Variants in INO80 observed in about 807,000 individuals in gnomAD.
The protein encoded by INO80 is chromatin-remodeling ATPase INO80.
Under a neutral mutation model 203.4 loss-of-function variants are expected in INO80, and 20 were observed. The observed-to-expected ratio is 0.10, with a 90% confidence interval of 0.07 to 0.14. The LOEUF (loss-of-function observed/expected upper bound fraction) is 0.14, where lower values mean the gene tolerates loss of function less well. Ranked by LOEUF, INO80 falls within the 10% of genes least tolerant of loss-of-function variation. The pLI, the probability that INO80 is intolerant of heterozygous loss-of-function variation, is 1.00. For missense variants in INO80, 1,419 were observed against 1,914.4 expected (o/e 0.74, Z 4.83); for synonymous variants, 726 against 685.2 (o/e 1.06, Z -0.93).
intron 7 of INO80, 31 bp downstream of exon 7, chr15:41,085,338 T>A: frequency 6.3e-7 from 1 of 1,584,338 alleles, no homozygotes; most frequent in South Asian, 1.1e-5. Context: ...AACATTCTCC[T>A]AATTTCCATC....
chr15:41,079,688 G>C lies in INO80; in HGVS notation c.1131+13C>G. ...GTAATTAGGGTTTTCAAAATGTTAT[G>C]CTTTTGCCCTACCTCCCGCATTTCC... On this transcript the variant is annotated intron_variant, in intron 9 of 35. Transcript: ENST00000648947. The C allele has an allele frequency of 6.2e-7, 1 of 1,612,282 alleles. No individual in the cohort carries two copies. The highest frequency in any genetic ancestry group is 8.5e-7 in the Non-Finnish European group (1 of 1,178,642).
chr15:40,983,639 C>T (rs1893916900), intron 34 of INO80, 123 bp downstream of exon 34: 1 of 835,034 alleles, frequency 1.2e-6, no homozygotes, highest in African/African-American at 1.7e-5. Context: ...TCTCATTTCA[C>T]TTGACAAAGC....
At chr15:41,045,140 C>T in intron 23 of INO80, 65 bp from the exon 24 acceptor site, 1 of 1,275,676 alleles carries the variant, frequency 7.8e-7, no homozygotes, top group Admixed American at 2.6e-5. Flanking sequence ...TCGTTCATAG[C>T]AGCAAGGATT....
chr15:41,086,621 A>G (rs562899834), intron 6 of INO80, among the ~76,000 whole-genome samples: 1 of 151,704 alleles, frequency 6.6e-6, no homozygotes, highest in Non-Finnish European at 1.5e-5. Context: ...ACTGCACTCC[A>G]GCCTGGGTGA....
intron 11 of INO80, among the ~76,000 whole-genome samples, chr15:41,072,327 G>A (rs1183637467): frequency 1.3e-5 from 2 of 151,692 alleles, no homozygotes; most frequent in African/African-American, 4.8e-5. Flanking sequence ...TGTTAAATAG[G>A]GGCTCCTATG....
chr15:41,110,461 A>C (rs2045942922), intron 1 of INO80, among the ~76,000 whole-genome samples: 2 of 151,746 alleles, frequency 1.3e-5, no homozygotes, highest in South Asian at 4.2e-4. Flanking sequence ...TATTTTTTAG[A>C]CAGGGTCTCG....
chr15:41,051,809 T>C (rs2044877014), intron 19 of INO80, among the ~76,000 whole-genome samples: 1 of 151,798 alleles, frequency 6.6e-6, no homozygotes, highest in Non-Finnish European at 1.5e-5. Context: ...ATACAAAAAT[T>C]AGCTGGGCGT....
chr15:41,095,784 A>G lies in INO80; in HGVS notation c.288T>C (p.Tyr96=), dbSNP rs749336343. The G allele has an allele frequency of 6.2e-7, 1 of 1,614,180 alleles. No individual in the cohort carries two copies. The highest frequency in any genetic ancestry group is 8.5e-7 in the Non-Finnish European group (1 of 1,180,034). ...CTGACTGTAGAACTCCATTCAGAGA[A>G]TATGTGTTTAACATTCCAGAACTGC... ...GAGSSGMLNT[Y]SLNGVLQSES... The change falls in exon 3 of 36, where the codon TAT becomes TAC. Residue 96 remains tyrosine, a synonymous_variant. Coordinates refer to ENST00000648947, the MANE Select transcript of INO80 (RefSeq NM_017553.3).
At chr15:41,057,722 G>A (rs1434345685) in intron 16 of INO80, among the ~76,000 whole-genome samples, 1 of 149,740 alleles carries the variant, frequency 6.7e-6, no homozygotes, top group African/African-American at 2.5e-5. Context: ...GCTTGAATCT[G>A]GGAGGTGGAG....
chr15:41,091,564 C>T (rs551681410), intron 5 of INO80, among the ~76,000 whole-genome samples: 2 of 152,028 alleles, frequency 1.3e-5, no homozygotes, highest in Admixed American at 6.6e-5. Context: ...GTTCCCCTTC[C>T]TGTGTCCATG....
At chr15:41,077,651 CCCAG>C (rs1339862465) in intron 9 of INO80, among the ~76,000 whole-genome samples, 23 of 151,414 alleles carry the variant, frequency 1.5e-4, no homozygotes, top group African/African-American at 5.3e-4. Context: ...GCCTCAACAT[CCCAG>C]GCTCAAGCAA....
rs200947882 is a variant in INO80, at chr15:40,980,412, T to C, written c.4482A>G (p.Thr1494=). The C allele has an allele frequency of 1.4e-5, 22 of 1,613,654 alleles. No homozygotes were observed. In the Admixed American group the frequency reaches 3.0e-4, roughly 22 times the overall value. The change falls in exon 36 of 36, where the codon ACA becomes ACG. Residue 1494 remains threonine, a synonymous_variant. Transcript: ENST00000648947. ...KGISASSPLQ[T]SLVRPAGLAD... is the part of the protein sequence containing the mutation. ...CAAGGCCAGCAGGCCGAACAAGGGA[T>C]GTCTGCAGAGGACTGCTGGCGGAGA...
rs151066854 is a variant in INO80 at position 40,982,702 on chromosome 15, G to T, written c.4453+160C>A. On this transcript the variant is annotated intron_variant, in intron 35 of 35. Coordinates refer to ENST00000648947, the MANE Select transcript of INO80 (RefSeq NM_017553.3). The stretch of plus-strand genomic sequence containing the variant: ...CCCTGTACCGTCAGGAGGGCAAGGG[G>T]TGAGTCAACAGTGCTTATTACAAAG... Among the ~76,000 whole-genome samples the T allele has an allele frequency of 4.6e-5, 7 of 152,320 alleles. No individual in the cohort carries two copies. In the East Asian group the frequency reaches 1.3e-3, roughly 29 times the overall value.
intron 24 of INO80, among the ~76,000 whole-genome samples, chr15:41,035,019 G>C (rs1393206173): frequency 6.6e-6 from 1 of 152,224 alleles, no homozygotes; most frequent in East Asian, 1.9e-4. Flanking sequence ...AATCCCTGCT[G>C]AAAATGAAAC....
intron 24 of INO80, among the ~76,000 whole-genome samples, chr15:41,039,123 C>A (rs2044628742): frequency 6.6e-6 from 1 of 152,150 alleles, no homozygotes; most frequent in Non-Finnish European, 1.5e-5. Context: ...TCCTCCTATC[C>A]AAATCTCTAC....
intron 24 of INO80, among the ~76,000 whole-genome samples, chr15:41,042,311 A>C (rs1018487865): frequency 6.7e-6 from 1 of 150,326 alleles, no homozygotes; most frequent in Non-Finnish European, 1.5e-5. Context: ...ACCACGCCCC[A>C]CCTAATTTTT....
chr15:41,048,018 TC>T, intron 22 of INO80, among the ~76,000 whole-genome samples, 193 bp downstream of exon 22: 1 of 152,196 alleles, frequency 6.6e-6, no homozygotes, highest in Non-Finnish European at 1.5e-5. Context: ...TTCTACTTTT[TC>T]CTCTCATAGC....
chr15:41,088,973 G>A (rs1168789862), intron 5 of INO80, among the ~76,000 whole-genome samples: 1 of 151,984 alleles, frequency 6.6e-6, no homozygotes, highest in Non-Finnish European at 1.5e-5. Flanking sequence ...CAAATTATTT[G>A]AGGTCAGGAA....
At chr15:41,075,088 T>A (rs2045383064) in intron 9 of INO80, among the ~76,000 whole-genome samples, 2 of 152,180 alleles carry the variant, frequency 1.3e-5, no homozygotes, top group Admixed American at 6.6e-5. Flanking sequence ...TTTGCTCTCC[T>A]TTATACTGTG....
Sources: gnomAD v4.1 joint callset for allele counts (sites outside exome capture counted in the v4.1 genomes callset) on GRCh38, gnomAD v4.1.1 for gene constraint, MANE v1.5 for transcripts, NCBI Gene and HGNC (gene_info 2026-07-23, HGNC 2026-07-21) for gene names.